The following HDAC9 variants were observed in gnomAD, a reference collection of about 807,000 sequenced individuals.
HDAC9 encodes histone deacetylase 9.
A neutral mutation model predicts 139.4 loss-of-function variants in HDAC9; 41 were observed. The observed-to-expected ratio is 0.29, with a 90% CI of 0.23 to 0.38. HDAC9 has a LOEUF of 0.38. HDAC9 is among the 10% of genes least tolerant of loss of function. The probability of loss-of-function intolerance (pLI) is 1.00; values close to 1 mark genes in which losing one functional copy is unlikely to be tolerated. For synonymous variants in HDAC9, 517 were observed against 476.2 expected (o/e 1.09, Z -1.12); for missense variants, 1,147 against 1,297.0 (o/e 0.88, Z 1.78).
intron 23 of HDAC9, among the ~76,000 whole-genome samples, chr7:18,942,853 C>A (rs572651325): frequency 2.0e-5 from 3 of 152,008 alleles, no homozygotes; most frequent in East Asian, 1.9e-4. Context: ...CATTTACCGG[C>A]ACACCACTGC....
In HDAC9 at chr7:18,891,115, A is replaced by G. The variant is rs139348717; in HGVS notation, c.2803+16519A>G. On this transcript the variant is annotated intron_variant, in intron 22 of 25. Transcript: ENST00000686413. The stretch of plus-strand genomic sequence containing the variant: ...TGTTCATTTGTTTGCACTTTTCTGG[A>G]TCTACTATAAACAGTTTTCTCAGAT... Among the ~76,000 whole-genome samples the G allele has an allele frequency of 3.2e-3, 484 of 152,238 alleles. 3 individuals carry two copies. Among genetic ancestry groups the G allele is most frequent in the African/African-American group, 0.011 (468 of 41,544 alleles).
intron 24 of HDAC9, among the ~76,000 whole-genome samples, chr7:18,954,844 C>T (rs1460165860): frequency 1.3e-5 from 2 of 152,038 alleles, no homozygotes; most frequent in East Asian, 3.9e-4. Flanking sequence ...CAGGAAAACC[C>T]TTAGGTTTGC....
chr7:18,688,623 C>T (rs1782449001), intron 12 of HDAC9, among the ~76,000 whole-genome samples: 2 of 151,664 alleles, frequency 1.3e-5, no homozygotes, highest in African/African-American at 2.4e-5. Flanking sequence ...CTTTGTAAAC[C>T]TTCTTCCAAT....
At chr7:18,980,525 T>G (rs1037092905) in intron 25 of HDAC9, among the ~76,000 whole-genome samples, 2 of 152,176 alleles carry the variant, frequency 1.3e-5, no homozygotes, top group Non-Finnish European at 2.9e-5. Context: ...GTTGTGAGAA[T>G]CAAATGAAAC....
chr7:18,877,306 C>T (rs1289862594), intron 22 of HDAC9, among the ~76,000 whole-genome samples: 1 of 152,140 alleles, frequency 6.6e-6, no homozygotes, highest in African/African-American at 2.4e-5. Context: ...CTGGCAGATG[C>T]ATTCATATTG....
At chr7:18,660,283 C>A (rs1297873695) in intron 11 of HDAC9, among the ~76,000 whole-genome samples, 2 of 152,096 alleles carry the variant, frequency 1.3e-5, no homozygotes, top group African/African-American at 4.8e-5. Context: ...AACTCCCTTT[C>A]TGCATTTATA....
intron 2 of HDAC9, among the ~76,000 whole-genome samples, chr7:18,230,357 C>A (rs1793366754): frequency 6.6e-6 from 1 of 152,202 alleles, no homozygotes; most frequent in Non-Finnish European, 1.5e-5. Context: ...CTCTTCTAAG[C>A]TTGGGGCACA....
intron 22 of HDAC9, among the ~76,000 whole-genome samples, chr7:18,919,977 C>A (rs199735504): frequency 2.6e-5 from 4 of 151,974 alleles, no homozygotes; most frequent in African/African-American, 4.8e-5. Flanking sequence ...CTTGGCAATG[C>A]GGGCTCTTTT....
At chr7:18,923,624 A>T (rs1803955950) in intron 22 of HDAC9, among the ~76,000 whole-genome samples, 1 of 151,964 alleles carries the variant, frequency 6.6e-6, no homozygotes, top group African/African-American at 2.4e-5. Flanking sequence ...GAAGTGTTTG[A>T]CCTAAAATGT....
At chr7:18,290,558 G>A (rs755662175) in intron 1 of HDAC9, 13 of 456,578 alleles carry the variant, frequency 2.8e-5, no homozygotes, top group Middle Eastern at 6.5e-4. Flanking sequence ...CTGTGAAAAA[G>A]ATAGTGGGGT....
At position 18,262,929 on chromosome 7, in the gene HDAC9, A is replaced by G. The variant is rs537552338; in HGVS notation, c.25+100580A>G. 2.6e-4 allele frequency among the ~76,000 whole-genome samples: 33 copies of G among 125,588 alleles called. No individual in the cohort carries two copies. In the East Asian group the frequency reaches 8.4e-3, roughly 32 times the overall value. The allele number at this position is 125,588 out of a possible 152,430, so 82.4% of individuals were successfully genotyped here. A position where few individuals can be genotyped will look rare whatever the true frequency, so the allele number is the denominator to read the frequency against. On this transcript the variant is annotated intron_variant, in intron 2 of 12. Coordinates refer to the HDAC9 transcript ENST00000417496. ...TACAGATTTTTTATAAAAGAAGGCA[A>G]TAATAGAGAAAGAGAGGACAAAAAG... is the stretch of plus-strand genomic sequence containing the variant.
rs546023117 is a variant in HDAC9, at chr7:18,089,604, G to C, written c.-97+2391G>C. Reference sequence around the variant, plus strand: ...CTAATTTGAATGACACCAGAATTCAGATTTTTATTAATATCTACATCTAGG... The same window carrying C: ...CTAATTTGAATGACACCAGAATTCACATTTTTATTAATATCTACATCTAGG... On this transcript the variant is annotated intron_variant, in intron 1 of 12. Transcript: ENST00000417496. Among the ~76,000 whole-genome samples the C allele has an allele frequency of 3.3e-5, 5 of 152,208 alleles. No individual in the cohort carries two copies. In the South Asian group the frequency reaches 8.3e-4, roughly 25 times the overall value.
chr7:18,872,593 G>A (rs1275040242), intron 21 of HDAC9, among the ~76,000 whole-genome samples: 1 of 152,148 alleles, frequency 6.6e-6, no homozygotes, highest in Admixed American at 6.5e-5. Flanking sequence ...CAAGAAGAGA[G>A]AGAAAAATTC....
At chr7:18,278,524 A>G (rs1796892404) in intron 2 of HDAC9, among the ~76,000 whole-genome samples, 1 of 152,188 alleles carries the variant, frequency 6.6e-6, no homozygotes, top group Admixed American at 6.5e-5. Flanking sequence ...GGAGTCTCAT[A>G]TTTAATATAA....
intron 1 of HDAC9, among the ~76,000 whole-genome samples, chr7:18,331,729 G>A (rs1054159053): frequency 1.3e-5 from 2 of 151,654 alleles, no homozygotes; most frequent in Non-Finnish European, 3.0e-5. Context: ...TATTCGAGGT[G>A]ATGAAGTAGT....
intron 2 of HDAC9, among the ~76,000 whole-genome samples, chr7:18,566,733 TGAG>T (rs1486505724): frequency 6.6e-6 from 1 of 152,204 alleles, no homozygotes; most frequent in Non-Finnish European, 1.5e-5. Context: ...AGCAAGCAAT[TGAG>T]AGTAGACTGA....
chr7:18,625,551 A>G (rs967845610), intron 6 of HDAC9, among the ~76,000 whole-genome samples: 3 of 152,162 alleles, frequency 2.0e-5, no homozygotes, highest in African/African-American at 4.8e-5. Context: ...GTGTCCAGAT[A>G]TTGCCAAATG....
At position 18,252,069 on chromosome 7, in the gene HDAC9, A is replaced by C. The variant is rs79303165; in HGVS notation, c.25+89720A>C. 6.6e-3 allele frequency among the ~76,000 whole-genome samples: 1,009 copies of C among 152,350 alleles called. 10 individuals carry two copies. Among genetic ancestry groups the C allele is most frequent in the African/African-American group, 0.023 (941 of 41,578 alleles). ...ATGTCAGTAAGCTAGTCTTGAGAGC[A>C]TGCAGCATTTACTGTCATAGAGCAA... is the stretch of plus-strand genomic sequence containing the variant. On this transcript the variant is annotated intron_variant, in intron 2 of 12. Coordinates refer to the HDAC9 transcript ENST00000417496.
chr7:18,749,085 A>G lies in HDAC9; in HGVS notation c.1990A>G (p.Ile664Val), dbSNP rs1300175273. 6.2e-7 allele frequency: 1 copy of G among 1,613,686 alleles called. No individual in the cohort carries two copies. Among genetic ancestry groups the G allele is most frequent in the Non-Finnish European group, 8.5e-7 (1 of 1,179,842 alleles). The part of the protein sequence containing the change: ...STTHPEHAGR[I>V]QSIWSRLQET... ...CACCCACCCTGAGCATGCTGGACGA[A>G]TACAGAGTATCTGGTCACGACTGCA... Residue 664 changes from isoleucine (I) to valine (V), a missense_variant, in exon 14 of 26, where the codon ATA becomes GTA. By Grantham distance (29) the Ile-to-Val change is conservative. Transcript: ENST00000686413.
Sources: gnomAD v4.1 joint callset for allele counts (sites outside exome capture counted in the v4.1 genomes callset) on GRCh38, gnomAD v4.1.1 for gene constraint, MANE v1.5 for transcripts, NCBI Gene and HGNC (gene_info 2026-07-23, HGNC 2026-07-21) for gene names.